The following TBC1D19 variants were observed in gnomAD, a reference collection of about 807,000 sequenced individuals.
The protein encoded by TBC1D19 is TBC1 domain family, member 19.
In TBC1D19, 60 loss-of-function variants were observed where a neutral mutation model predicts 89.0. The observed-to-expected ratio is 0.67, with a 90% CI of 0.55 to 0.84. TBC1D19 has a LOEUF of 0.84. Among genes scored for constraint, TBC1D19 ranks in the 40% least tolerant of loss-of-function variants. The pLI is 0.00. For synonymous variants in TBC1D19, 189 were observed against 199.7 expected (o/e 0.95, Z 0.45); for missense variants, 500 against 610.8 (o/e 0.82, Z 1.91).
Position 26,693,971 on chromosome 4 carries a change from C to T in TBC1D19, c.954+5564C>T, listed in dbSNP as rs983272927. On this transcript the variant is annotated intron_variant, in intron 13 of 20. Coordinates refer to ENST00000264866, the MANE Select transcript of TBC1D19 (RefSeq NM_018317.4). ...TCCAGTCTACAGCTCCCAGAGTGAG[C>T]GATGCAGAAGATGGGTGATTTCTGC... is the stretch of plus-strand genomic sequence containing the variant. 3.3e-5 allele frequency among the ~76,000 whole-genome samples: 5 copies of T among 152,112 alleles called. No individual in the cohort carries two copies. In the South Asian group the frequency reaches 6.2e-4, roughly 19 times the overall value.
At chr4:26,604,148 CTTTTTTTTTTT>C (rs1173641270) in intron 1 of TBC1D19, among the ~76,000 whole-genome samples, 4 of 120,700 alleles carry the variant, frequency 3.3e-5, no homozygotes, top group Admixed American at 7.9e-5. Flanking sequence ...TTTTCTTTTT[CTTTTTTTTTTT>C]TTTTTTTTTT....
intron 7 of TBC1D19, among the ~76,000 whole-genome samples, chr4:26,645,992 G>A (rs1423117851): frequency 2.7e-5 from 4 of 150,536 alleles, no homozygotes; most frequent in East Asian, 2.0e-4. Flanking sequence ...GCGTAGTGGC[G>A]GGCGCCTGTA....
intron 13 of TBC1D19, among the ~76,000 whole-genome samples, chr4:26,689,002 TA>T (rs1714052432): frequency 6.6e-6 from 1 of 151,982 alleles, no homozygotes; most frequent in Non-Finnish European, 1.5e-5. Context: ...ACAAATGTCA[TA>T]AAGGAAATAC....
chr4:26,642,545 C>T (rs922743490), intron 7 of TBC1D19, among the ~76,000 whole-genome samples: 1 of 152,198 alleles, frequency 6.6e-6, no homozygotes, highest in East Asian at 1.9e-4. Flanking sequence ...AACCAGCTAA[C>T]ATCATAATGA....
chr4:26,778,098 G>A, the TBC1D19 span, among the ~76,000 whole-genome samples: 1 of 148,334 alleles, frequency 6.7e-6, no homozygotes, highest in Admixed American at 6.7e-5. Context: ...AGACATGGTG[G>A]GGTGTGGAGG....
At chr4:26,700,474 G>A (rs1371405642) in intron 13 of TBC1D19, among the ~76,000 whole-genome samples, 1 of 151,824 alleles carries the variant, frequency 6.6e-6, no homozygotes, top group Non-Finnish European at 1.5e-5. Context: ...GAACTTCATG[G>A]GCCTTCATAT....
At chr4:26,599,491 A>C (rs1005481962) in intron 1 of TBC1D19, among the ~76,000 whole-genome samples, 1 of 151,976 alleles carries the variant, frequency 6.6e-6, no homozygotes, top group African/African-American at 2.4e-5. Flanking sequence ...AGATTTCCCC[A>C]CCCCCCACCA....
At chr4:26,622,264 T>C (rs988287779) in intron 4 of TBC1D19, among the ~76,000 whole-genome samples, 3 of 152,096 alleles carry the variant, frequency 2.0e-5, no homozygotes, top group African/African-American at 7.2e-5. Flanking sequence ...AATAAAGATT[T>C]AAACTCAGTA....
At chr4:26,819,584 G>A in the TBC1D19 span, among the ~76,000 whole-genome samples, 2 of 152,302 alleles carry the variant, frequency 1.3e-5, no homozygotes, top group Admixed American at 1.3e-4. Flanking sequence ...CAAAAGCTAT[G>A]GCTTCCCTGC....
chr4:26,675,850 T>C (rs2109118564), intron 11 of TBC1D19, among the ~76,000 whole-genome samples: 2 of 152,306 alleles, frequency 1.3e-5, no homozygotes, highest in Non-Finnish European at 2.9e-5. Context: ...ATATAATACT[T>C]GTGGTTCCTA....
intron 1 of TBC1D19, among the ~76,000 whole-genome samples, chr4:26,589,454 C>G (rs1739630662): frequency 1.3e-5 from 2 of 152,090 alleles, no homozygotes; most frequent in Non-Finnish European, 2.9e-5. Context: ...GCTCTTGTCC[C>G]CAGCAGAAGT....
At chr4:26,645,491 T>C (rs903622212) in intron 7 of TBC1D19, among the ~76,000 whole-genome samples, 1 of 152,206 alleles carries the variant, frequency 6.6e-6, no homozygotes, top group African/African-American at 2.4e-5. Context: ...TTACACCTTA[T>C]ACAAAAGTTA....
At chr4:26,815,562 G>A in the TBC1D19 span, among the ~76,000 whole-genome samples, 1 of 152,154 alleles carries the variant, frequency 6.6e-6, no homozygotes, top group African/African-American at 2.4e-5. Flanking sequence ...TTACCAGGCT[G>A]GTGCCAAAAC....
intron 4 of TBC1D19, among the ~76,000 whole-genome samples, chr4:26,631,326 C>T (rs1370160224): frequency 6.6e-6 from 1 of 152,008 alleles, no homozygotes; most frequent in Non-Finnish European, 1.5e-5. Flanking sequence ...GAACTTTTTG[C>T]AAACTATCTC....
the TBC1D19 span, among the ~76,000 whole-genome samples, chr4:26,827,307 C>G: frequency 6.6e-6 from 1 of 152,160 alleles, no homozygotes; most frequent in Non-Finnish European, 1.5e-5. Flanking sequence ...TCCTTTGGGT[C>G]AAAATCATCA....
chr4:26,641,362 CAG>C (rs1466056942), intron 7 of TBC1D19, among the ~76,000 whole-genome samples: 6 of 152,170 alleles, frequency 3.9e-5, no homozygotes, highest in Admixed American at 1.3e-4. Context: ...AACTAACAAA[CAG>C]AAAGGAATAG....
At chr4:26,831,413 C>T in the TBC1D19 span, among the ~76,000 whole-genome samples, 1 of 152,050 alleles carries the variant, frequency 6.6e-6, no homozygotes, top group Non-Finnish European at 1.5e-5. Flanking sequence ...TCTGCTGTTA[C>T]AGTAAAAAGA....
intron 13 of TBC1D19, among the ~76,000 whole-genome samples, chr4:26,691,320 A>G (rs1241141815): frequency 6.6e-6 from 1 of 152,254 alleles, no homozygotes; most frequent in African/African-American, 2.4e-5. Context: ...ACACTATTAC[A>G]TAAACTTAGT....
At chr4:26,725,253 G>GT (rs1230910194) in intron 15 of TBC1D19, among the ~76,000 whole-genome samples, 1 of 152,156 alleles carries the variant, frequency 6.6e-6, no homozygotes, top group Non-Finnish European at 1.5e-5. Context: ...CCTGGTGGTT[G>GT]TAAGTTTTTA....
Sources: gnomAD v4.1 joint callset for allele counts (sites outside exome capture counted in the v4.1 genomes callset) on GRCh38, gnomAD v4.1.1 for gene constraint, MANE v1.5 for transcripts, NCBI Gene and HGNC (gene_info 2026-07-23, HGNC 2026-07-21) for gene names.